The following PKP4 variants were observed in gnomAD, a reference collection of about 807,000 sequenced individuals.
The protein encoded by PKP4 is plakophilin 4.
Under a neutral mutation model 145.1 loss-of-function variants are expected in PKP4, and 90 were observed. The ratio of observed to expected loss-of-function variants is 0.62; its 90% CI spans 0.52 to 0.74. The LOEUF (loss-of-function observed/expected upper bound fraction) is 0.74. Among genes scored for constraint, PKP4 ranks in the 30% least tolerant of loss-of-function variants. The probability of loss-of-function intolerance (pLI) is 0.00; values close to 1 mark genes in which losing one functional copy is unlikely to be tolerated. For synonymous variants in PKP4, 563 were observed against 577.2 expected, an observed-to-expected ratio of 0.98 and a Z score of 0.35; for missense variants, 1,340 against 1,482.7, an observed-to-expected ratio of 0.90 and a Z score of 1.58.
rs886811224 is a variant in PKP4 at position 158,525,862 on chromosome 2, G to A, written c.-5-7318G>A. ...CAGAGAATACTACAAACACCTCTAC[G>A]CAAATAAACTAGAAAATCTAGAAGA... On this transcript the variant is annotated intron_variant, in intron 1 of 21. Coordinates refer to ENST00000389759, the MANE Select transcript of PKP4 (RefSeq NM_003628.6). Among the ~76,000 whole-genome samples the A allele has an allele frequency of 1.4e-3, 204 of 149,318 alleles. 1 individual carries two copies. Among genetic ancestry groups the A allele is most frequent in the African/African-American group, 4.8e-3 (194 of 40,468 alleles).
intron 20 of PKP4, 74 bp from the exon 21 acceptor site, chr2:158,678,507 C>T (rs980122367): frequency 2.3e-5 from 24 of 1,025,348 alleles, no homozygotes; most frequent in Non-Finnish European, 3.6e-5. Context: ...AGCCCTAGTG[C>T]AGGGGAGACC....
At position 158,645,858 on chromosome 2, in the gene PKP4, CTTTT is replaced by C. The variant is rs577675078; in HGVS notation, c.1909+3163_1909+3166del. Among the ~76,000 whole-genome samples the C allele has an allele frequency of 4.4e-4, 67 of 152,248 alleles. 2 individuals are homozygous for C. In the South Asian group the frequency reaches 0.013, roughly 29 times the overall value. ...GAAGAAAAGTACATGATTGTGTGCT[CTTTT>C]TTTGTTTACATTTAAAAATAAGTCA... is the stretch of plus-strand genomic sequence containing the variant. On this transcript the variant is annotated intron_variant, in intron 11 of 21. Transcript: ENST00000389759.
chr2:158,652,889 G>A (rs1387544409), intron 11 of PKP4, among the ~76,000 whole-genome samples: 1 of 152,152 alleles, frequency 6.6e-6, no homozygotes, highest in African/African-American at 2.4e-5. Context: ...TCTCCTTGAT[G>A]GTTCCTCACA....
chr2:158,548,913 C>CTT, intron 2 of PKP4: 1 of 177,428 alleles, frequency 5.6e-6, no homozygotes, highest in East Asian at 1.8e-4. Flanking sequence ...ACATGGATCC[C>CTT]ATTGAGCCAG....
chr2:158,492,429 T>C (rs1365193124), intron 1 of PKP4, among the ~76,000 whole-genome samples: 1 of 152,234 alleles, frequency 6.6e-6, no homozygotes, highest in East Asian at 1.9e-4. Flanking sequence ...AAGTATCTTC[T>C]GTCTCCTCAG....
chr2:158,628,223 C>T lies in PKP4; in HGVS notation c.1153+2796C>T, dbSNP rs552954447. Reference sequence around the variant, plus strand: ...CTCGATCTCTTGACCTCGTGATCTGCCCGCCTCAGCCTCCCAAAGTGCTGG... The same window carrying T: ...CTCGATCTCTTGACCTCGTGATCTGTCCGCCTCAGCCTCCCAAAGTGCTGG... On this transcript the variant is annotated intron_variant, in intron 7 of 21. Transcript: ENST00000389759. Among the ~76,000 whole-genome samples the T allele has an allele frequency of 2.0e-5, 3 of 152,226 alleles. No individual in the cohort carries two copies. The East Asian group carries it at 5.8e-4, about 29-fold the overall frequency.
At chr2:158,617,511 A>G (rs924650199) in intron 4 of PKP4, among the ~76,000 whole-genome samples, 3 of 152,218 alleles carry the variant, frequency 2.0e-5, no homozygotes, top group East Asian at 1.9e-4. Context: ...TTTGCACACT[A>G]TATACCTCTT....
intron 4 of PKP4, among the ~76,000 whole-genome samples, chr2:158,617,737 A>T (rs1286345396): frequency 6.6e-6 from 1 of 152,234 alleles, no homozygotes; most frequent in African/African-American, 2.4e-5. Context: ...GCATGTATAT[A>T]GATAATTTGT....
intron 4 of PKP4, among the ~76,000 whole-genome samples, chr2:158,620,355 TA>T (rs2052092700): frequency 6.6e-6 from 1 of 152,094 alleles, no homozygotes; most frequent in African/African-American, 2.4e-5. Flanking sequence ...ATGGTACTGT[TA>T]AATTAAAGCA....
chr2:158,512,629 C>G (rs574353994), intron 1 of PKP4, among the ~76,000 whole-genome samples: 20 of 152,234 alleles, frequency 1.3e-4, no homozygotes, highest in Non-Finnish European at 1.8e-4. Flanking sequence ...TATTACCCAT[C>G]ATGACCAACC....
At chr2:158,546,304 G>T (rs1574410377) in intron 2 of PKP4, among the ~76,000 whole-genome samples, 1 of 151,786 alleles carries the variant, frequency 6.6e-6, no homozygotes, top group Non-Finnish European at 1.5e-5. Flanking sequence ...TCAGATTTTT[G>T]CTTTATTCTC....
chr2:158,678,500 C>T, intron 20 of PKP4, 81 bp from the exon 21 acceptor site: 1 of 949,954 alleles, frequency 1.1e-6, no homozygotes, highest in South Asian at 1.3e-5. Context: ...CAGTGCTAGC[C>T]CTAGTGCAGG....
At chr2:158,521,065 A>T (rs949842421) in intron 1 of PKP4, among the ~76,000 whole-genome samples, 16 of 152,214 alleles carry the variant, frequency 1.1e-4, no homozygotes, top group African/African-American at 3.6e-4. Context: ...AACTCTCCAG[A>T]TGCCTATGTA....
chr2:158,643,747 G>A (rs1320104532), intron 11 of PKP4, among the ~76,000 whole-genome samples: 2 of 150,670 alleles, frequency 1.3e-5, no homozygotes, highest in East Asian at 3.9e-4. Flanking sequence ...AACAAGGCCA[G>A]AGAGAGATAG....
chr2:158,535,994 A>G (rs1328049347), intron 2 of PKP4, among the ~76,000 whole-genome samples: 1 of 152,222 alleles, frequency 6.6e-6, no homozygotes, highest in African/African-American at 2.4e-5. Context: ...TTAAATTAAC[A>G]TAGGTAAAAT....
Position 158,674,003 on chromosome 2 carries a change from C to T in PKP4, c.3127+3C>T. 1 of 1,520,718 alleles carries T rather than the reference C, an allele frequency of 6.6e-7. No individual in the cohort carries two copies. Among genetic ancestry groups the T allele is most frequent in the Non-Finnish European group, 9.1e-7 (1 of 1,094,502 alleles). The allele number at this position is 1,520,718 out of a possible 1,614,324, so 94.2% of individuals were successfully genotyped here. On this transcript the variant is annotated splice_donor_region_variant and intron_variant, in intron 19 of 21. Coordinates refer to ENST00000389759, the MANE Select transcript of PKP4 (RefSeq NM_003628.6). ...GATGTCACCCATCATTCAGTCAGGT[C>T]AGTGGGAAAATGCCACTCCTTGGCG...
At chr2:158,457,725 C>A in intron 1 of PKP4, 1 of 153,902 alleles carries the variant, frequency 6.5e-6, no homozygotes, top group Non-Finnish European at 1.4e-5. Context: ...CCCTCCCCGT[C>A]TTCCCACGCC....
chr2:158,529,086 C>G (rs531464825), intron 1 of PKP4, among the ~76,000 whole-genome samples: 28 of 152,294 alleles, frequency 1.8e-4, no homozygotes, highest in African/African-American at 6.5e-4. Context: ...GATTAAAGAT[C>G]TCTCATCATG....
At chr2:158,581,475 A>C (rs956147710) in intron 3 of PKP4, among the ~76,000 whole-genome samples, 1 of 152,180 alleles carries the variant, frequency 6.6e-6, no homozygotes, top group African/African-American at 2.4e-5. Context: ...ATTTGTTTTT[A>C]TTTACCTTTT....
Sources: allele counts gnomAD v4.1 joint callset (sites outside exome capture counted in the v4.1 genomes callset), GRCh38; gene constraint gnomAD v4.1.1; transcripts MANE v1.5; gene names NCBI Gene and HGNC (gene_info 2026-07-23, HGNC 2026-07-21).